Variants in NKAIN2 observed in about 807,000 individuals in gnomAD.
The protein encoded by NKAIN2 is sodium/potassium-transporting ATPase subunit beta-1-interacting protein 2.
A neutral mutation model predicts 32.6 loss-of-function variants in NKAIN2; 14 were observed. The observed-to-expected ratio is 0.43, with a 90% CI of 0.28 to 0.67. The LOEUF is 0.67. Ranked by LOEUF, NKAIN2 falls within the 30% of genes least tolerant of loss-of-function variation. The pLI, the probability that NKAIN2 is intolerant of heterozygous loss-of-function variation, is 0.17. For synonymous variants in NKAIN2, 80 were observed against 87.2 expected (o/e 0.92, Z 0.46); for missense variants, 198 against 258.3 (o/e 0.77, Z 1.60).
At chr6:124,681,659 A>G (rs2114505583) in intron 4 of NKAIN2, among the ~76,000 whole-genome samples, 1 of 152,164 alleles carries the variant, frequency 6.6e-6, no homozygotes, top group Non-Finnish European at 1.5e-5. Flanking sequence ...TGCATAGTGT[A>G]TGTGCTCTGC....
At chr6:124,274,068 C>A (rs1222771794) in intron 1 of NKAIN2, among the ~76,000 whole-genome samples, 2 of 152,128 alleles carry the variant, frequency 1.3e-5, no homozygotes, top group Admixed American at 6.5e-5. Context: ...TATAGGGAGA[C>A]TTTAAACTTA....
At chr6:124,600,878 G>A (rs750927021) in intron 3 of NKAIN2, among the ~76,000 whole-genome samples, 11 of 151,888 alleles carry the variant, frequency 7.2e-5, no homozygotes, top group African/African-American at 1.9e-4. Flanking sequence ...AGGCCTTCTC[G>A]ATTTTTTAAA....
intron 3 of NKAIN2, among the ~76,000 whole-genome samples, chr6:124,493,717 CAAAA>C (rs71021496): frequency 1.0e-4 from 9 of 85,822 alleles, no homozygotes; most frequent in East Asian, 8.8e-4. Context: ...CCCCCCCCTC[CAAAA>C]AAAAAAAAAA....
rs118183020 is a variant in NKAIN2, at chr6:124,508,022, G to A, written c.274-150164G>A. On this transcript the variant is annotated intron_variant, in intron 3 of 6. Transcript: ENST00000368417. ...AATCCCTACATTTTGGCAGGCCAAG[G>A]CAGAAGGATCACTTGAGTCCAGGAG... Among the ~76,000 whole-genome samples the A allele has an allele frequency of 4.2e-3, 639 of 152,002 alleles. 4 individuals are homozygous for A. Among genetic ancestry groups the A allele is most frequent in the Middle Eastern group, 0.024 (7 of 294 alleles).
intron 1 of NKAIN2, among the ~76,000 whole-genome samples, chr6:124,095,212 T>A (rs1224945063): frequency 1.3e-5 from 2 of 152,170 alleles, no homozygotes. Context: ...TAGATGATTT[T>A]AGGCTTTTTA....
intron 1 of NKAIN2, among the ~76,000 whole-genome samples, chr6:123,858,120 A>T (rs72968728): frequency 0.25 from 36,322 of 148,048 alleles, 5,354 homozygotes; most frequent in South Asian, 0.37. Context: ...TATTATTATT[A>T]TTTTTTTTTT....
intron 3 of NKAIN2, among the ~76,000 whole-genome samples, chr6:124,477,760 TTC>T (rs1491435051): frequency 4.7e-3 from 206 of 44,026 alleles, no homozygotes; most frequent in Non-Finnish European, 8.1e-3. Context: ...CCCTTTTCCT[TTC>T]CCCCCCTCCC....
chr6:123,893,500 C>T (rs1197307241), intron 1 of NKAIN2, among the ~76,000 whole-genome samples: 1 of 152,174 alleles, frequency 6.6e-6, no homozygotes, highest in Non-Finnish European at 1.5e-5. Flanking sequence ...AGCCACTACT[C>T]CTAGCCTAAT....
intron 1 of NKAIN2, among the ~76,000 whole-genome samples, chr6:123,952,760 C>T (rs1268524260): frequency 6.6e-6 from 1 of 151,934 alleles, no homozygotes; most frequent in Admixed American, 6.6e-5. Context: ...TATGATATCT[C>T]TTTGGGAAAT....
intron 3 of NKAIN2, among the ~76,000 whole-genome samples, chr6:124,459,468 G>C (rs1776446168): frequency 6.6e-6 from 1 of 151,840 alleles, no homozygotes; most frequent in South Asian, 2.1e-4. Context: ...ATCTTGTTCT[G>C]TCATGAATAT....
chr6:123,958,472 T>C (rs1228885867), intron 1 of NKAIN2, among the ~76,000 whole-genome samples: 1 of 152,208 alleles, frequency 6.6e-6, no homozygotes, highest in East Asian at 1.9e-4. Context: ...TCCCTGAATT[T>C]TGGATTCATG....
intron 3 of NKAIN2, among the ~76,000 whole-genome samples, chr6:124,390,330 C>T (rs1193385985): frequency 6.6e-6 from 1 of 152,086 alleles, no homozygotes; most frequent in Admixed American, 6.6e-5. Context: ...TATTTCAATA[C>T]TCTAGCAATT....
chr6:124,066,314 A>G (rs1446415513), intron 1 of NKAIN2, among the ~76,000 whole-genome samples: 5 of 152,034 alleles, frequency 3.3e-5, no homozygotes, highest in Admixed American at 6.6e-5. Context: ...CTGTTTCCTG[A>G]GCCATGTTAT....
chr6:124,732,235 C>A (rs780117395), intron 4 of NKAIN2, among the ~76,000 whole-genome samples: 4 of 151,994 alleles, frequency 2.6e-5, no homozygotes, highest in African/African-American at 7.2e-5. Flanking sequence ...TTCTTCAATT[C>A]TAGTTTATTT....
chr6:124,724,335 GAA>G (rs913687150), intron 4 of NKAIN2, among the ~76,000 whole-genome samples: 3 of 151,984 alleles, frequency 2.0e-5, no homozygotes, highest in African/African-American at 2.4e-5. Flanking sequence ...AGTCAATGCA[GAA>G]AAGTTTGCTC....
In NKAIN2 at chr6:124,708,320, A is replaced by C. The variant is rs62431866; in HGVS notation, c.474+49934A>C. 3.2e-4 allele frequency among the ~76,000 whole-genome samples: 49 copies of C among 151,802 alleles called. 1 individual carries two copies. The highest frequency in any genetic ancestry group is 7.4e-5 in the Non-Finnish European group (5 of 67,932). On this transcript the variant is annotated intron_variant, in intron 4 of 6. Coordinates refer to ENST00000368417, the MANE Select transcript of NKAIN2 (RefSeq NM_001040214.3). Reference sequence around the variant, plus strand: ...TTTTGGCTTAGGATTGCCTTGGTGAAGCGGGCTCTTTTTTGGTTCCATATG... The same window carrying C: ...TTTTGGCTTAGGATTGCCTTGGTGACGCGGGCTCTTTTTTGGTTCCATATG...
At chr6:124,741,794 C>T (rs866609382) in intron 4 of NKAIN2, among the ~76,000 whole-genome samples, 11 of 151,868 alleles carry the variant, frequency 7.2e-5, no homozygotes, top group South Asian at 2.1e-4. Context: ...TTATTATCCT[C>T]ATCATGGGTT....
intron 1 of NKAIN2, among the ~76,000 whole-genome samples, chr6:124,139,079 A>AT (rs900247440): frequency 0.17 from 16,434 of 99,008 alleles, 1,936 homozygotes; most frequent in Middle Eastern, 0.36. Flanking sequence ...TTAAATAAAA[A>AT]TTTTTTTTTT....
At chr6:123,870,325 T>C (rs1266469555) in intron 1 of NKAIN2, among the ~76,000 whole-genome samples, 2 of 152,112 alleles carry the variant, frequency 1.3e-5, no homozygotes, top group South Asian at 2.1e-4. Flanking sequence ...TCAACTCTGA[T>C]TGATTTCTGT....
Sources: allele counts gnomAD v4.1 joint callset (sites outside exome capture counted in the v4.1 genomes callset), GRCh38; gene constraint gnomAD v4.1.1; transcripts MANE v1.5; gene names NCBI Gene and HGNC (gene_info 2026-07-23, HGNC 2026-07-21).